POLE: variants seen among roughly 807,000 people sequenced by gnomAD.
POLE encodes the protein DNA polymerase epsilon, catalytic subunit.
A neutral mutation model predicts 279.2 loss-of-function variants in POLE; 188 were observed. That is an observed-to-expected ratio of 0.67 (90% CI 0.60 to 0.76). The LOEUF (loss-of-function observed/expected upper bound fraction) is 0.76. POLE is among the 30% of genes least tolerant of loss of function. The probability of loss-of-function intolerance (pLI) is 0.00; values close to 1 mark genes in which losing one functional copy is unlikely to be tolerated. For missense variants in POLE, 2,703 were observed against 3,016.7 expected, an observed-to-expected ratio of 0.90 and a Z score of 2.44; for synonymous variants, 1,214 against 1,172.5, an observed-to-expected ratio of 1.04 and a Z score of -0.72.
chr12:132,624,623 T>C lies in POLE; in HGVS notation c.*74A>G. ...TCAGGGTGGTCAGTGGTCTGGTCACTGGAAGCACGGGGATGTGGCCTTGGC... is the reference window on the plus strand; with the variant it reads ...TCAGGGTGGTCAGTGGTCTGGTCACCGGAAGCACGGGGATGTGGCCTTGGC... On this transcript the variant is annotated 3_prime_UTR_variant, in exon 49 of 49. Coordinates refer to ENST00000320574, the MANE Select transcript of POLE (RefSeq NM_006231.4). 1 of 875,868 alleles carries C rather than the reference T, an allele frequency of 1.1e-6. No individual in the cohort carries two copies. The highest frequency in any genetic ancestry group is 1.3e-5 in the South Asian group (1 of 76,150). The allele number at this position is 875,868 out of a possible 1,614,324, so 54.3% of individuals were successfully genotyped here. A position where few individuals can be genotyped will look rare whatever the true frequency, so the allele number is the denominator to read the frequency against.
Position 132,632,712 on chromosome 12 carries a change from C to T in POLE, c.6088G>A (p.Ala2030Thr), listed in dbSNP as rs1036832006. Residue 2030 changes from alanine (A) to threonine (T), a missense_variant, in exon 44 of 49, where the codon GCC (alanine) becomes ACC (threonine). By Grantham distance (58) the Ala-to-Thr change is moderately conservative (BLOSUM62 0). Around this residue, in one of 5 missense-constraint regions of POLE, gnomAD observed 1,551 missense variants for 1,686.1 expected, o/e 0.92. Transcript: ENST00000320574. ...TCGGCCTCCTGGGAGAGCTGGCTGG[C>T]CCCCCTCCTCCTCACGGGGGTGCTC... ...PGSTPVRRRG[A>T]SQLSQEAEGA... 6.2e-7 allele frequency: 1 copy of T among 1,613,674 alleles called. No individual in the cohort carries two copies. Among genetic ancestry groups the T allele is most frequent in the South Asian group, 1.1e-5 (1 of 91,052 alleles).
chr12:132,632,908 T>C (rs1407998558), intron 43 of POLE, 113 bp from the exon 44 acceptor site: 1 of 1,190,692 alleles, frequency 8.4e-7, no homozygotes, highest in Non-Finnish European at 1.2e-6. Flanking sequence ...TAAAATGTCA[T>C]TGTTAATAAT....
chr12:132,681,554 A>C (rs1424135358), intron 1 of POLE, among the ~76,000 whole-genome samples: 1 of 152,118 alleles, frequency 6.6e-6, no homozygotes, highest in African/African-American at 2.4e-5. Context: ...CGTGTTAGCC[A>C]GGATGGTCTC....
Position 132,649,191 on chromosome 12 carries a change from A to G in POLE, c.4005+115T>C, listed in dbSNP as rs5744901. 1.4e-4 allele frequency: 209 copies of G among 1,481,926 alleles called. No individual in the cohort carries two copies. The East Asian group carries it at 4.7e-3, about 33-fold the overall frequency. 91.8% of individuals were successfully genotyped at this position (1,481,926 alleles called of 1,614,324 possible). On this transcript the variant is annotated intron_variant, in intron 31 of 48. Transcript: ENST00000320574. The stretch of plus-strand genomic sequence containing the variant: ...GGCCTTAGGCCTCCCTACGATGGGC[A>G]GGAAACTCCAGGCCCACTCTAACCC...
chr12:132,673,885 T>C (rs1459718570), intron 12 of POLE, among the ~76,000 whole-genome samples, 178 bp from the exon 13 acceptor site: 2 of 152,184 alleles, frequency 1.3e-5, no homozygotes, highest in Non-Finnish European at 2.9e-5. Context: ...CATCAGGATC[T>C]AGTTAATCTC....
chr12:132,634,145 C>T lies in POLE; in HGVS notation c.6004+41G>A, dbSNP rs761912963. 4 of 1,531,504 alleles carry T rather than the reference C, an allele frequency of 2.6e-6. No individual in the cohort carries two copies. In the Admixed American group the frequency reaches 7.1e-5, roughly 27 times the overall value. 94.9% of individuals were successfully genotyped at this position (1,531,504 alleles called of 1,614,324 possible). On this transcript the variant is annotated intron_variant, in intron 43 of 48. Transcript: ENST00000320574. This position sits in a 1 kb window ranked among gnomAD's most constrained non-coding sequence, Gnocchi z 4.0. ...GGAGCCACATCTACTAACCATGAGT[C>T]CCTTCAGTGGGGGCTGCGCAGCCCT...
rs5745086 is a variant in POLE at position 132,624,433 on chromosome 12, G to A, written c.*264C>T. 1.2e-3 allele frequency: 639 copies of A among 551,658 alleles called. 5 individuals are homozygous for A. The East Asian group carries it at 0.015, about 13-fold the overall frequency. The allele number at this position is 551,658 out of a possible 1,614,324, so 34.2% of individuals were successfully genotyped here. ...AAGCATTCACTGCGTGAGAAACGGC[G>A]CCCAGGGCACTCGCAGCCTCGCTCA... On this transcript the variant is annotated 3_prime_UTR_variant, in exon 49 of 49. Transcript: ENST00000320574.
chr12:132,667,392 G>C, intron 20 of POLE, 111 bp downstream of exon 20: 1 of 1,116,340 alleles, frequency 9.0e-7, no homozygotes, highest in South Asian at 1.4e-5. Flanking sequence ...TACCATCCGA[G>C]TGCAAGTGCC....
In POLE at chr12:132,643,982, C is replaced by A. The variant is rs771624962; in HGVS notation, c.4150-5G>T. The A allele has an allele frequency of 1.2e-6, 2 of 1,611,464 alleles. No individual in the cohort carries two copies. The highest frequency in any genetic ancestry group is 8.5e-7 in the Non-Finnish European group (1 of 1,177,898). ...GCGAGGAAGGACCCGATTTACCTGG[C>A]GAGAATACGACGATGATCTCGTCAC... On this transcript the variant is annotated splice_region_variant and splice_polypyrimidine_tract_variant and intron_variant, in intron 32 of 48. Transcript: ENST00000320574.
chr12:132,649,272 A>G (rs1232005495), intron 31 of POLE, 34 bp downstream of exon 31: 1 of 1,598,268 alleles, frequency 6.3e-7, no homozygotes, highest in Non-Finnish European at 8.6e-7. Context: ...CCATCAGCAG[A>G]GCCACTGCCC....
At chr12:132,625,190 C>G (rs2041808009) in intron 47 of POLE, 196 bp from the exon 48 acceptor site, 1 of 689,852 alleles carries the variant, frequency 1.4e-6, no homozygotes, top group South Asian at 1.5e-5. Context: ...CTACACCCAC[C>G]CTCGCTGTGG....
rs1269364853 is a variant in POLE, at chr12:132,624,042, T to TGCA, written c.*654_*655insTGC. 6 of 203,220 alleles carry TGCA rather than the reference T, an allele frequency of 3.0e-5. No individual in the cohort carries two copies. Among genetic ancestry groups the TGCA allele is most frequent in the African/African-American group, 1.4e-4 (6 of 43,714 alleles). 12.6% of individuals were successfully genotyped at this position (203,220 alleles called of 1,614,324 possible). On this transcript the variant is annotated 3_prime_UTR_variant, in exon 49 of 49. Coordinates refer to ENST00000320574, the MANE Select transcript of POLE (RefSeq NM_006231.4). Reference sequence around the variant, plus strand: ...GACAAGGGCTGCAGTGAGCCAAAAGTGAGGTGCACAGAGGTCTTGTTTTCC... The same window carrying TGCA: ...GACAAGGGCTGCAGTGAGCCAAAAGTGCAGAGGTGCACAGAGGTCTTGTTTTCC...
In POLE at chr12:132,636,000, A is replaced by C; in HGVS notation, c.5703T>G (p.His1901Gln). ...ATCGAGAGAAAGAAATTGTCAGAGA[A>C]TGGAAGGTCTCCTTTGAATGGATGC... The part of the protein sequence containing the change: ...TSSIHSKETF[H>Q]SLTISFSRCW... Residue 1901 changes from histidine (H) to glutamine (Q), a missense_variant, in exon 42 of 49, where the codon CAT becomes CAG. By Grantham distance (24) the His-to-Gln change is conservative. Transcript: ENST00000320574. 1 of 1,613,970 alleles carries C rather than the reference A, an allele frequency of 6.2e-7. No homozygotes were observed.
At chr12:132,686,846 C>T (rs1320966110) in intron 1 of POLE, among the ~76,000 whole-genome samples, 1 of 151,908 alleles carries the variant, frequency 6.6e-6, no homozygotes, top group African/African-American at 2.4e-5. Context: ...GCGCTAGGCC[C>T]CCAGGCAGGG....
chr12:132,650,576 C>CT (rs2042400519), intron 29 of POLE: 1 of 152,204 alleles, frequency 6.6e-6, no homozygotes, highest in Non-Finnish European at 1.5e-5. Flanking sequence ...GGTTGCGCCA[C>CT]TGCATTCCAG....
chr12:132,642,000 C>T (rs1011047066), intron 38 of POLE, 149 bp from the exon 39 acceptor site: 38 of 953,158 alleles, frequency 4.0e-5, no homozygotes, highest in East Asian at 2.3e-4. Context: ...TTCAGATTCC[C>T]GAGGGCACAG....
rs539104140 is a variant in POLE at position 132,667,741 on chromosome 12, C to A, written c.2174-93G>T. 219 of 1,342,044 alleles carry A rather than the reference C, an allele frequency of 1.6e-4. 6 individuals carry two copies. The South Asian group carries it at 2.3e-3, about 14-fold the overall frequency. 83.1% of individuals were successfully genotyped at this position (1,342,044 alleles called of 1,614,324 possible). A position where few individuals can be genotyped will look rare whatever the true frequency, so the allele number is the denominator to read the frequency against. On this transcript the variant is annotated intron_variant, in intron 19 of 48. Transcript: ENST00000320574. ...GGGGTGCTGAAGAACATGGCTTCTACGTCACCACAAAGGAGCAACAGCTCA... is the reference window on the plus strand; with the variant it reads ...GGGGTGCTGAAGAACATGGCTTCTAAGTCACCACAAAGGAGCAACAGCTCA...
chr12:132,642,068 G>T, intron 38 of POLE, 109 bp downstream of exon 38: 1 of 1,083,722 alleles, frequency 9.2e-7, no homozygotes, highest in Non-Finnish European at 1.4e-6. Context: ...GCTCTGACCT[G>T]CGCGGTCGAA....
In POLE at chr12:132,635,918, C is replaced by T. The variant is rs1280264460; in HGVS notation, c.5785G>A (p.Val1929Ile). The T allele has an allele frequency of 6.2e-7, 1 of 1,613,626 alleles. No individual in the cohort carries two copies. The highest frequency in any genetic ancestry group is 2.2e-5 in the East Asian group (1 of 44,862). Residue 1929 changes from valine to isoleucine, a missense_variant, in exon 42 of 49, where the codon GTT becomes ATT. By Grantham distance (29) the Val-to-Ile change is conservative. Around this residue, in one of 5 missense-constraint regions of POLE, gnomAD observed 1,551 missense variants for 1,686.1 expected, o/e 0.92. Transcript: ENST00000320574. ...AGTCCACAGTGAATACGAGATGAAA[C>T]TTTTCCTTTGATTCCGCCATAGTTA... ...PSNYGGIKGK[V>I]SSRIHCGLQD...
Sources: gnomAD v4.1 joint callset for allele counts (sites outside exome capture counted in the v4.1 genomes callset) on GRCh38, gnomAD v4.1.1 for gene constraint, gnomAD v4.1.1 regional missense constraint, Gnocchi (gnomAD v3.1) non-coding constraint, MANE v1.5 for transcripts, NCBI Gene and HGNC (gene_info 2026-07-23, HGNC 2026-07-21) for gene names.